Variants in CD101 observed in about 807,000 individuals in gnomAD.
CD101 encodes CD101 molecule.
A neutral mutation model predicts 98.2 loss-of-function variants in CD101; 76 were observed. The ratio of observed to expected loss-of-function variants is 0.77; its 90% confidence interval spans 0.64 to 0.94. CD101 has a LOEUF of 0.94. Among genes scored for constraint, CD101 ranks in the 40% least tolerant of loss-of-function variants. CD101 has a pLI of 0.00. For missense variants in CD101, 1,145 were observed against 1,218.8 expected (o/e 0.94, Z 0.90); for synonymous variants, 471 against 472.7 (o/e 1.00, Z 0.05).
Position 117,018,104 on chromosome 1 carries a change from A to G in CD101, c.1613-52A>G. ...GCAACTAGAAAAACTTGAAAGTGCT[A>G]TATTTTAATCTGGTAAATATATTAG... On this transcript the variant is annotated intron_variant, in intron 5 of 9. Transcript: ENST00000682167. This position sits in a 1 kb window ranked among gnomAD's most constrained non-coding sequence, Gnocchi z 4.3. 2 of 1,471,594 alleles carry G rather than the reference A, an allele frequency of 1.4e-6. No homozygotes were observed. The highest frequency in any genetic ancestry group is 1.4e-5 in the South Asian group (1 of 72,048). The allele number at this position is 1,471,594 out of a possible 1,614,324, so 91.2% of individuals were successfully genotyped here. A position where few individuals can be genotyped will look rare whatever the true frequency, so the allele number is the denominator to read the frequency against.
chr1:117,017,382 C>T lies in CD101; in HGVS notation c.1521C>T (p.Gly507=). The T allele has an allele frequency of 6.2e-7, 1 of 1,614,220 alleles. No individual in the cohort carries two copies. The highest frequency in any genetic ancestry group is 8.5e-7 in the Non-Finnish European group (1 of 1,180,012). ...EITFTAITDS[G]TYECRVSEKS... is the part of the protein sequence containing the mutation. The stretch of plus-strand genomic sequence containing the variant: ...CCTTCACTGCCATCACAGACAGTGG[C>T]ACATATGAGTGCAGAGTATCTGAGA... Residue 507 remains glycine (G), a synonymous_variant, in exon 5 of 10, where the codon GGC becomes GGT. Transcript: ENST00000682167.
At chr1:117,030,350 C>T (rs1044456250) in intron 8 of CD101, among the ~76,000 whole-genome samples, 1 of 151,200 alleles carries the variant, frequency 6.6e-6, no homozygotes, top group African/African-American at 2.4e-5. Context: ...CACTTTGCTC[C>T]AGTCTGGATG....
In CD101 at chr1:117,012,809, G is replaced by A. The variant is rs568911805; in HGVS notation, c.842-597G>A. ...ATAGGCTTTTGTCCAACAGGAAGTGGTTGCTAAACCATATACTGTATATGC... is the reference window on the plus strand; with the variant it reads ...ATAGGCTTTTGTCCAACAGGAAGTGATTGCTAAACCATATACTGTATATGC... On this transcript the variant is annotated intron_variant, in intron 3 of 9. Coordinates refer to ENST00000682167, the MANE Select transcript of CD101 (RefSeq NM_001256106.3). The surrounding 1 kb of genome is among the most constrained non-coding windows in gnomAD (Gnocchi z 4.0). 8.5e-5 allele frequency among the ~76,000 whole-genome samples: 13 copies of A among 152,236 alleles called. No homozygotes were observed. Among genetic ancestry groups the A allele is most frequent in the African/African-American group, 3.1e-4 (13 of 41,546 alleles).
Position 117,017,180 on chromosome 1 carries a change from A to T in CD101, c.1319A>T (p.Glu440Val), listed in dbSNP as rs1385865696. Reference sequence around the variant, plus strand: ...TTTCTCTGTAAGGCTGGTGGAGCTGAAAGTCCCCTGTCTGTGAGCTGGTGG... The same window carrying T: ...TTTCTCTGTAAGGCTGGTGGAGCTGTAAGTCCCCTGTCTGTGAGCTGGTGG... ...LAFLCKAGGA[E>V]SPLSVSWWHI... The change falls in exon 5 of 10, where the codon GAA becomes GTA. Residue 440 changes from glutamate (E) to valine (V), a missense_variant. Glu to Val is a moderately radical substitution (Grantham distance 121). Transcript: ENST00000682167. The T allele has an allele frequency of 3.1e-6, 5 of 1,614,242 alleles. No individual in the cohort carries two copies. Among genetic ancestry groups the T allele is most frequent in the Non-Finnish European group, 4.2e-6 (5 of 1,180,032 alleles).
intron 1 of CD101, among the ~76,000 whole-genome samples, chr1:117,008,851 C>T (rs1414979026): frequency 2.0e-5 from 3 of 152,148 alleles, no homozygotes; most frequent in Non-Finnish European, 4.4e-5. Flanking sequence ...GCAATCTCTC[C>T]CTGTCTGGCC....
At position 117,017,098 on chromosome 1, in the gene CD101, G is replaced by T; in HGVS notation, c.1237G>T (p.Val413Leu). Residue 413 changes from valine (V) to leucine (L), a missense_variant, in exon 5 of 10, where the codon GTG becomes TTG. By Grantham distance (32) the Val-to-Leu change is conservative (BLOSUM62 1). Transcript: ENST00000682167. ...VHLRKPAARS[V>L]VMSTKNKQQV... ...TAATCTGTAACTCACAGCAAGAAGT[G>T]TGGTCATGTCTACCAAGAACAAGCA... 6.2e-7 allele frequency: 1 copy of T among 1,613,386 alleles called. No homozygotes were observed. The highest frequency in any genetic ancestry group is 1.1e-5 in the South Asian group (1 of 90,988).
At chr1:117,009,122 A>G (rs1316162636) in intron 1 of CD101, among the ~76,000 whole-genome samples, 1 of 152,254 alleles carries the variant, frequency 6.6e-6, no homozygotes, top group Non-Finnish European at 1.5e-5. Context: ...AATAGAAAAC[A>G]TTCCCTAGTG....
Position 117,029,190 on chromosome 1 carries a change from A to G in CD101, c.2824+3286A>G, listed in dbSNP as rs867967639. Among the ~76,000 whole-genome samples the G allele has an allele frequency of 2.2e-3, 186 of 85,418 alleles. 4 individuals are homozygous for G. Among genetic ancestry groups the G allele is most frequent in the East Asian group, 5.0e-3 (17 of 3,376 alleles). The allele number at this position is 85,418 out of a possible 152,430, so 56.0% of individuals were successfully genotyped here. On this transcript the variant is annotated intron_variant, in intron 8 of 9. Coordinates refer to ENST00000682167, the MANE Select transcript of CD101 (RefSeq NM_001256106.3). ...AAGAAAGAAAGAAAGAAAGAAAGAA[A>G]GAAAGAAAGAAAGAAAAGAAAGAAA...
Position 117,017,145 on chromosome 1 carries a change from G to A in CD101, c.1284G>A (p.Glu428=). 6.2e-7 allele frequency: 1 copy of A among 1,614,228 alleles called. No homozygotes were observed. Among genetic ancestry groups the A allele is most frequent in the Admixed American group, 1.7e-5 (1 of 60,026 alleles). ...AGCAGCAAGTTGTGTGGGAAGGAGA[G>A]ACACTCGCCTTTCTCTGTAAGGCTG... ...KNKQQVVWEG[E]TLAFLCKAGG... Residue 428 remains glutamate (E), a synonymous_variant, in exon 5 of 10, where the codon GAG becomes GAA. Transcript: ENST00000682167.
At position 117,018,133 on chromosome 1, in the gene CD101, T is replaced by G. The variant is rs147725397; in HGVS notation, c.1613-23T>G. On this transcript the variant is annotated intron_variant, in intron 5 of 9. Transcript: ENST00000682167. The surrounding 1 kb of genome is among the most constrained non-coding windows in gnomAD (Gnocchi z 4.3). Reference sequence around the variant, plus strand: ...TTTAATCTGGTAAATATATTAGAAATTCTGTTTCATTTTTCTGTCTAGAGT... The same window carrying G: ...TTTAATCTGGTAAATATATTAGAAAGTCTGTTTCATTTTTCTGTCTAGAGT... 589 of 1,540,454 alleles carry G rather than the reference T, an allele frequency of 3.8e-4. 5 individuals carry two copies. In the East Asian group the frequency reaches 0.011, roughly 30 times the overall value.
intron 2 of CD101, among the ~76,000 whole-genome samples, chr1:117,011,195 C>T (rs1215036277): frequency 6.6e-6 from 1 of 152,162 alleles, no homozygotes; most frequent in Non-Finnish European, 1.5e-5. Flanking sequence ...CCCAAGTCCA[C>T]GTAGTAGGGA....
In CD101 at chr1:117,023,623, C is replaced by G. The variant is rs1290138551; in HGVS notation, c.2428+1640C>G. Among the ~76,000 whole-genome samples, 1 of 151,932 alleles carries G rather than the reference C, an allele frequency of 6.6e-6. No individual in the cohort carries two copies. Among genetic ancestry groups the G allele is most frequent in the Non-Finnish European group, 1.5e-5 (1 of 67,992 alleles). On this transcript the variant is annotated intron_variant, in intron 7 of 9. Coordinates refer to ENST00000682167, the MANE Select transcript of CD101 (RefSeq NM_001256106.3). This position sits in a 1 kb window ranked among gnomAD's most constrained non-coding sequence, Gnocchi z 4.4. ...GTAGAGACAGGGTTTTACCATGTTG[C>G]TCAGGCTGGTCTTGAACTCCTGACC...
At chr1:117,001,982 A>C in intron 1 of CD101, 122 bp downstream of exon 1, 2 of 916,716 alleles carry the variant, frequency 2.2e-6, no homozygotes, top group Non-Finnish European at 3.4e-6. Context: ...TTCTGATGTT[A>C]GCAATAATTT....
intron 3 of CD101, among the ~76,000 whole-genome samples, chr1:117,013,127 T>G (rs900280388): frequency 6.6e-6 from 1 of 152,204 alleles, no homozygotes; most frequent in Admixed American, 6.5e-5. Flanking sequence ...AAAGCATACA[T>G]TACTATATGT....
At position 117,025,818 on chromosome 1, in the gene CD101, A is replaced by G; in HGVS notation, c.2738A>G (p.Glu913Gly). 6.2e-7 allele frequency: 1 copy of G among 1,614,196 alleles called. No individual in the cohort carries two copies. Among genetic ancestry groups the G allele is most frequent in the Non-Finnish European group, 8.5e-7 (1 of 1,180,034 alleles). ...DAGMYWCRVA[E>G]WQLHGHPSKW... ...GGAATGTACTGGTGTAGGGTGGCAG[A>G]GTGGCAGCTCCATGGACACCCAAGC... Residue 913 changes from glutamate (E) to glycine (G), a missense_variant, in exon 8 of 10, where the codon GAG becomes GGG. Physicochemically the swap from Glu to Gly is moderately conservative, Grantham distance 98. Transcript: ENST00000682167.
rs1653872873 is a variant in CD101 at position 117,025,699 on chromosome 1, T to C, written c.2619T>C (p.Tyr873=). The change falls in exon 8 of 10, where the codon TAT becomes TAC. Residue 873 remains tyrosine, a synonymous_variant. Transcript: ENST00000682167. ...TGCAACATGATGGCTTGCTGGAGTA[T>C]GGGGAAGAGGGGCTCAGGAGGCACC... ...VHLQHDGLLE[Y]GEEGLRRHLH... is the part of the protein sequence containing the mutation. 5 of 1,614,152 alleles carry C rather than the reference T, an allele frequency of 3.1e-6. No individual in the cohort carries two copies. Among genetic ancestry groups the C allele is most frequent in the Non-Finnish European group, 4.2e-6 (5 of 1,180,038 alleles).
At position 117,033,900 on chromosome 1, in the gene CD101, A is replaced by G. The variant is rs34223095; in HGVS notation, c.2865A>G (p.Leu955=). The change falls in exon 9 of 10, where the codon TTA becomes TTG. Residue 955 remains leucine (L), a synonymous_variant. Coordinates refer to ENST00000682167, the MANE Select transcript of CD101 (RefSeq NM_001256106.3). The surrounding 1 kb of genome is among the most constrained non-coding windows in gnomAD (Gnocchi z 4.8). The stretch of plus-strand genomic sequence containing the variant: ...CCAGGATCTGCTCCTCGGCCCCTTT[A>G]CTCTATTTCCTGTTCATCTGTCCCT... ...LPSRICSSAP[L]LYFLFICPFV... The G allele has an allele frequency of 1.2e-6, 2 of 1,613,270 alleles. No individual in the cohort carries two copies. The highest frequency in any genetic ancestry group is 2.7e-5 in the African/African-American group (2 of 74,626).
At chr1:117,026,064 C>T in intron 8 of CD101, 160 bp downstream of exon 8, 1 of 695,550 alleles carries the variant, frequency 1.4e-6, no homozygotes, top group Non-Finnish European at 2.3e-6. Context: ...CTGTCTCTCT[C>T]AATAGTAACT....
rs1553188315 is a variant in CD101, at chr1:117,029,204, A to AAAGAAAGAAAGAAGG, written c.2824+3302_2824+3303insGAAAGAAAGAAGGAA. ...GAAAGAAAGAAAGAAAGAAAGAAAG[A>AAAGAAAGAAAGAAGG]AAAGAAAGAAAAGAAAGAAAGAAAG... On this transcript the variant is annotated intron_variant, in intron 8 of 9. Coordinates refer to ENST00000682167, the MANE Select transcript of CD101 (RefSeq NM_001256106.3). Among the ~76,000 whole-genome samples, 24 of 58,870 alleles carry AAAGAAAGAAAGAAGG rather than the reference A, an allele frequency of 4.1e-4. 1 individual carries two copies. Among genetic ancestry groups the AAAGAAAGAAAGAAGG allele is most frequent in the South Asian group, 1.2e-3 (2 of 1,738 alleles). The allele number at this position is 58,870 out of a possible 152,430, so 38.6% of individuals were successfully genotyped here.
Sources: gnomAD v4.1 joint callset for allele counts (sites outside exome capture counted in the v4.1 genomes callset) on GRCh38, gnomAD v4.1.1 for gene constraint, Gnocchi (gnomAD v3.1) non-coding constraint, MANE v1.5 for transcripts, NCBI Gene and HGNC (gene_info 2026-07-23, HGNC 2026-07-21) for gene names.